The following CA10 variants were observed in gnomAD, a reference collection of about 807,000 sequenced individuals.
CA10 encodes the protein carbonic anhydrase 10 (inactive), also known as carbonic anhydrase-related protein 10.
In CA10, 14 loss-of-function variants were observed where a neutral mutation model predicts 44.2. The observed-to-expected ratio is 0.32, with a 90% CI of 0.21 to 0.50. CA10 has a LOEUF of 0.50. CA10 is among the 20% of genes least tolerant of loss of function. The probability of loss-of-function intolerance (pLI) is 0.99; values close to 1 mark genes in which losing one functional copy is unlikely to be tolerated. For synonymous variants in CA10, 159 were observed against 141.6 expected (o/e 1.12, Z -0.87); for missense variants, 350 against 409.7 (o/e 0.85, Z 1.26).
At chr17:52,129,380 A>G (rs955908560) in intron 1 of CA10, among the ~76,000 whole-genome samples, 10 of 152,216 alleles carry the variant, frequency 6.6e-5, no homozygotes, top group African/African-American at 2.4e-4. Flanking sequence ...TATTGAGTGC[A>G]GAATGCTTTA....
chr17:51,780,375 C>T (rs931786815), intron 3 of CA10, among the ~76,000 whole-genome samples: 2 of 152,200 alleles, frequency 1.3e-5, no homozygotes, highest in Non-Finnish European at 2.9e-5. Context: ...GATGAGAGAA[C>T]TAAAGATGAG....
At chr17:51,967,419 C>A (rs1460121892) in intron 2 of CA10, among the ~76,000 whole-genome samples, 5 of 151,378 alleles carry the variant, frequency 3.3e-5, no homozygotes, top group African/African-American at 1.2e-4. Flanking sequence ...TTCACAACAG[C>A]AAAGACGTGA....
intron 2 of CA10, among the ~76,000 whole-genome samples, chr17:52,048,684 G>C (rs891722851): frequency 2.6e-5 from 4 of 151,946 alleles, no homozygotes; most frequent in African/African-American, 9.7e-5. Flanking sequence ...AATATGCTGA[G>C]AGGCATGACA....
At chr17:51,965,876 C>G (rs1299180318) in intron 2 of CA10, among the ~76,000 whole-genome samples, 1 of 151,632 alleles carries the variant, frequency 6.6e-6, no homozygotes, top group East Asian at 1.9e-4. Context: ...AACAATCAGG[C>G]AAGAGAAAAA....
At chr17:51,752,787 G>A (rs924270133) in intron 3 of CA10, among the ~76,000 whole-genome samples, 10 of 152,162 alleles carry the variant, frequency 6.6e-5, no homozygotes, top group African/African-American at 2.2e-4. Flanking sequence ...TTAGCGGGGT[G>A]TGGTAGCAGG....
chr17:51,713,337 G>A (rs904934899), intron 4 of CA10, among the ~76,000 whole-genome samples: 1 of 152,182 alleles, frequency 6.6e-6, no homozygotes, highest in African/African-American at 2.4e-5. Context: ...ACCACAGCAA[G>A]GGCATAGATG....
intron 4 of CA10, among the ~76,000 whole-genome samples, chr17:51,718,883 A>G (rs146392183): frequency 2.9e-4 from 44 of 152,290 alleles, no homozygotes; most frequent in African/African-American, 9.6e-4. Context: ...GAATGAGAGG[A>G]TAGAAAAAAA....
At chr17:51,739,948 C>G (rs1904391125) in intron 4 of CA10, among the ~76,000 whole-genome samples, 1 of 152,136 alleles carries the variant, frequency 6.6e-6, no homozygotes, top group African/African-American at 2.4e-5. Context: ...ATGAATTTTT[C>G]TGGTACACAG....
At chr17:52,037,763 G>A (rs897304743) in intron 2 of CA10, among the ~76,000 whole-genome samples, 5 of 152,028 alleles carry the variant, frequency 3.3e-5, no homozygotes, top group African/African-American at 9.7e-5. Context: ...AATACACACC[G>A]TGACTTTTCT....
chr17:51,731,354 C>A (rs560286756), intron 4 of CA10, among the ~76,000 whole-genome samples: 8 of 151,872 alleles, frequency 5.3e-5, no homozygotes, highest in Non-Finnish European at 8.8e-5. Context: ...TCCAGCCTGG[C>A]GACAGGACGA....
At chr17:52,097,803 T>C (rs1309783606) in intron 1 of CA10, among the ~76,000 whole-genome samples, 1 of 152,158 alleles carries the variant, frequency 6.6e-6, no homozygotes, top group African/African-American at 2.4e-5. Flanking sequence ...GTAAGCCCAG[T>C]AATAGTGGTA....
chr17:51,775,944 A>T (rs1331483390), intron 3 of CA10, among the ~76,000 whole-genome samples: 2 of 152,150 alleles, frequency 1.3e-5, no homozygotes, highest in Non-Finnish European at 2.9e-5. Flanking sequence ...GCAGCTGGTA[A>T]GGTAGGCCAA....
intron 3 of CA10, among the ~76,000 whole-genome samples, chr17:51,809,007 A>G (rs1320976886): frequency 1.3e-5 from 2 of 152,160 alleles, no homozygotes; most frequent in African/African-American, 4.8e-5. Flanking sequence ...ATTACTAATA[A>G]CTTTATAGCT....
intron 1 of CA10, among the ~76,000 whole-genome samples, chr17:52,100,925 A>T (rs933496560): frequency 6.6e-6 from 1 of 152,186 alleles, no homozygotes; most frequent in African/African-American, 2.4e-5. Context: ...TTCATTGTCT[A>T]TGATGCCTTC....
At chr17:51,991,375 T>C (rs978381898) in intron 2 of CA10, among the ~76,000 whole-genome samples, 3 of 152,190 alleles carry the variant, frequency 2.0e-5, no homozygotes, top group Non-Finnish European at 4.4e-5. Flanking sequence ...ATGTATTTCT[T>C]GCTGAATAAT....
intron 2 of CA10, among the ~76,000 whole-genome samples, chr17:51,997,752 T>C (rs969753494): frequency 2.6e-5 from 4 of 152,030 alleles, no homozygotes; most frequent in Non-Finnish European, 5.9e-5. Context: ...GAGACAAATG[T>C]TATCTGACTC....
At chr17:52,028,374 C>T (rs1050577805) in intron 2 of CA10, among the ~76,000 whole-genome samples, 5 of 152,176 alleles carry the variant, frequency 3.3e-5, no homozygotes, top group Admixed American at 2.0e-4. Context: ...AGGATCTATA[C>T]ATATAGCTAT....
At chr17:51,977,228 A>G (rs1598149202) in intron 2 of CA10, among the ~76,000 whole-genome samples, 2 of 151,964 alleles carry the variant, frequency 1.3e-5, no homozygotes, top group South Asian at 2.1e-4. Flanking sequence ...GACAAAGGGG[A>G]AAAAAACCCC....
chr17:51,643,217 TAATAA>T (rs1228456368), intron 6 of CA10, among the ~76,000 whole-genome samples: 6 of 151,662 alleles, frequency 4.0e-5, no homozygotes, highest in Admixed American at 1.3e-4. Flanking sequence ...ATTGGGTAGA[TAATAA>T]AATAAGAATA....
Sources: allele counts gnomAD v4.1 joint callset (sites outside exome capture counted in the v4.1 genomes callset), GRCh38; gene constraint gnomAD v4.1.1; transcripts MANE v1.5; gene names NCBI Gene and HGNC (gene_info 2026-07-23, HGNC 2026-07-21).